Variants in ZC3H12B observed in about 807,000 individuals in gnomAD.
ZC3H12B encodes probable ribonuclease ZC3H12B.
A neutral mutation model predicts 43.9 loss-of-function variants in ZC3H12B; 7 were observed. That is an observed-to-expected ratio of 0.16 (90% CI 0.09 to 0.30). The LOEUF (loss-of-function observed/expected upper bound fraction) is 0.30. Ranked by LOEUF, ZC3H12B falls within the 10% of genes least tolerant of loss-of-function variation. The pLI is 1.00. For synonymous variants in ZC3H12B, 222 were observed against 241.7 expected (o/e 0.92, Z 0.76); for missense variants, 475 against 670.2 (o/e 0.71, Z 3.22).
chrX:65,162,855 G>A, the ZC3H12B span, among the ~76,000 whole-genome samples: 1 of 112,043 alleles, frequency 8.9e-6, no homozygotes, highest in Non-Finnish European at 1.9e-5. Flanking sequence ...TCTTTTTAGA[G>A]TTTCCAGTTT....
chrX:65,467,380 C>T (rs1349358504), intron 3 of ZC3H12B, among the ~76,000 whole-genome samples: 1 of 111,162 alleles, frequency 9.0e-6, no homozygotes, highest in African/African-American at 3.3e-5. Context: ...GGTTCTATAT[C>T]TTTTCAATTG....
chrX:65,214,540 A>T, the ZC3H12B span, among the ~76,000 whole-genome samples: 3 of 111,899 alleles, frequency 2.7e-5, no homozygotes, highest in African/African-American at 9.7e-5. Flanking sequence ...CCGTTTTACC[A>T]TGAGACTGCA....
chrX:65,172,555 T>C, the ZC3H12B span, among the ~76,000 whole-genome samples: 1 of 112,541 alleles, frequency 8.9e-6, no homozygotes, highest in East Asian at 2.8e-4. Flanking sequence ...TTTATGGTTT[T>C]GGGTTTTACA....
the ZC3H12B span, among the ~76,000 whole-genome samples, chrX:65,038,235 A>T: frequency 6.3e-5 from 7 of 111,639 alleles, no homozygotes; most frequent in Non-Finnish European, 1.1e-4. Context: ...TTGAGGCTTT[A>T]TACACCTTCT....
chrX:65,071,160 G>A, the ZC3H12B span, among the ~76,000 whole-genome samples: 4 of 110,266 alleles, frequency 3.6e-5, no homozygotes, highest in Non-Finnish European at 5.7e-5. Context: ...ATAGATTTAG[G>A]ATAGTTAGAT....
chrX:65,134,111 GAGA>G, the ZC3H12B span, among the ~76,000 whole-genome samples: 1 of 110,920 alleles, frequency 9.0e-6, no homozygotes. Flanking sequence ...CAGGCTAAGG[GAGA>G]AGAAGGGGGA....
At chrX:65,454,761 G>T (rs1354478717) in intron 3 of ZC3H12B, among the ~76,000 whole-genome samples, 1 of 111,224 alleles carries the variant, frequency 9.0e-6, no homozygotes, top group Admixed American at 9.5e-5. Context: ...ACATGGCCGG[G>T]TACTCCTCTG....
At chrX:65,107,599 A>T in the ZC3H12B span, among the ~76,000 whole-genome samples, 2 of 111,165 alleles carry the variant, frequency 1.8e-5, no homozygotes, top group East Asian at 2.9e-4. Flanking sequence ...CCATATCCCC[A>T]TGTGTCATGG....
At chrX:65,303,651 A>C in the ZC3H12B span, among the ~76,000 whole-genome samples, 1 of 112,478 alleles carries the variant, frequency 8.9e-6, no homozygotes, top group Non-Finnish European at 1.9e-5. Context: ...GAACACTTTT[A>C]TTTAACATTG....
At chrX:65,265,760 T>C in the ZC3H12B span, among the ~76,000 whole-genome samples, 4 of 111,831 alleles carry the variant, frequency 3.6e-5, no homozygotes, top group East Asian at 2.8e-4. Flanking sequence ...CTTCTGGCCA[T>C]GACAAAGTAA....
the ZC3H12B span, among the ~76,000 whole-genome samples, chrX:65,124,280 A>G: frequency 9.1e-6 from 1 of 110,172 alleles, no homozygotes; most frequent in Non-Finnish European, 1.9e-5. Flanking sequence ...TGTTTATTGG[A>G]TGTATCACAT....
At chrX:65,395,160 C>T (rs1332351380) in intron 2 of ZC3H12B, among the ~76,000 whole-genome samples, 1 of 111,751 alleles carries the variant, frequency 8.9e-6, no homozygotes, top group Non-Finnish European at 1.9e-5. Flanking sequence ...TAAACAGAGA[C>T]AATTTGACTT....
At chrX:65,467,901 A>G (rs1180188543) in intron 3 of ZC3H12B, among the ~76,000 whole-genome samples, 4 of 112,031 alleles carry the variant, frequency 3.6e-5, no homozygotes, top group South Asian at 3.6e-4. Context: ...CTCCCATTCT[A>G]TGGGTTGTCT....
At chrX:65,315,514 C>G in the ZC3H12B span, among the ~76,000 whole-genome samples, 2 of 111,562 alleles carry the variant, frequency 1.8e-5, no homozygotes, top group Non-Finnish European at 1.9e-5. Flanking sequence ...AGTAGCAGCC[C>G]CCCAGAGCTG....
the ZC3H12B span, among the ~76,000 whole-genome samples, chrX:65,307,303 C>G: frequency 3.6e-5 from 4 of 111,561 alleles, no homozygotes; most frequent in South Asian, 3.7e-4. Flanking sequence ...AGATATGTGT[C>G]CATGAATTAG....
chrX:65,120,046 G>A, the ZC3H12B span, among the ~76,000 whole-genome samples: 1 of 111,935 alleles, frequency 8.9e-6, no homozygotes, highest in East Asian at 2.8e-4. Context: ...TTTGGTTACT[G>A]TAGCCTTGTA....
the ZC3H12B span, among the ~76,000 whole-genome samples, chrX:65,161,196 T>A: frequency 9.0e-6 from 1 of 111,487 alleles, no homozygotes; most frequent in Admixed American, 9.6e-5. Context: ...TGGTCAATTT[T>A]GGAATAGGTA....
chrX:65,235,179 G>C, the ZC3H12B span, among the ~76,000 whole-genome samples: 1 of 111,320 alleles, frequency 9.0e-6, no homozygotes, highest in African/African-American at 3.3e-5. Flanking sequence ...CTTTATACTA[G>C]AATAAATTAT....
chrX:65,282,272 A>G, the ZC3H12B span, among the ~76,000 whole-genome samples: 1 of 110,623 alleles, frequency 9.0e-6, no homozygotes, highest in African/African-American at 3.3e-5. Context: ...CAACACAGCA[A>G]GATCTCATCT....
Sources: allele counts gnomAD v4.1 joint callset (sites outside exome capture counted in the v4.1 genomes callset), GRCh38; gene constraint gnomAD v4.1.1; transcripts MANE v1.5; gene names NCBI Gene and HGNC (gene_info 2026-07-23, HGNC 2026-07-21).